Variants in POMP observed in about 807,000 individuals in gnomAD.
The protein encoded by POMP is 2510048O06Rik.
A neutral mutation model predicts 20.6 loss-of-function variants in POMP; 12 were observed. The ratio of observed to expected loss-of-function variants is 0.58; its 90% confidence interval spans 0.37 to 0.94. The LOEUF is 0.94. POMP is among the 40% of genes least tolerant of loss of function. POMP has a pLI of 0.01. For missense variants in POMP, 136 were observed against 161.1 expected (o/e 0.84, Z 0.84); for synonymous variants, 53 against 55.0 (o/e 0.96, Z 0.16).
intron 5 of POMP, among the ~76,000 whole-genome samples, chr13:28,675,819 A>AG (rs1478419096): frequency 6.6e-6 from 1 of 152,102 alleles, no homozygotes; most frequent in African/African-American, 2.4e-5. Context: ...CAGAAGACAA[A>AG]GGGGGGCCAG....
intron 5 of POMP, among the ~76,000 whole-genome samples, chr13:28,676,180 A>G (rs1409190153): frequency 6.6e-6 from 1 of 151,726 alleles, no homozygotes; most frequent in African/African-American, 2.4e-5. Flanking sequence ...AATTTTTTGT[A>G]TTTTTACTAG....
At chr13:28,663,875 A>T (rs1303926128) in intron 2 of POMP, among the ~76,000 whole-genome samples, 2 of 152,170 alleles carry the variant, frequency 1.3e-5, no homozygotes, top group Non-Finnish European at 2.9e-5. Context: ...CTTCCTGGAT[A>T]ATGTTTTGTA....
chr13:28,659,715 G>GC, intron 1 of POMP: 1 of 156,770 alleles, frequency 6.4e-6, no homozygotes, highest in Admixed American at 6.4e-5. Flanking sequence ...CTAGATGTTA[G>GC]AGGGGAAAAA....
chr13:28,677,171 G>A (rs73160094), intron 5 of POMP, among the ~76,000 whole-genome samples: 3,267 of 151,256 alleles, frequency 0.022, 54 homozygotes, highest in Middle Eastern at 0.076. Flanking sequence ...ACTGTTCTGC[G>A]TGTCTTTCTA....
intron 5 of POMP, among the ~76,000 whole-genome samples, chr13:28,676,046 C>G (rs1465915190): frequency 6.6e-6 from 1 of 152,088 alleles, no homozygotes; most frequent in Non-Finnish European, 1.5e-5. Context: ...TCTCTGTCAC[C>G]CAGGCTGGAG....
chr13:28,660,782 G>T (rs1002491011), intron 1 of POMP, among the ~76,000 whole-genome samples: 2 of 152,198 alleles, frequency 1.3e-5, no homozygotes, highest in Non-Finnish European at 2.9e-5. Flanking sequence ...AGGCTAAGGA[G>T]TCTGAACTTT....
At chr13:28,663,561 T>C (rs1792098) in intron 2 of POMP, among the ~76,000 whole-genome samples, 6,753 of 152,242 alleles carry the variant, frequency 0.044, 502 homozygotes, top group African/African-American at 0.15. Flanking sequence ...CCGTACACCT[T>C]GGCCTCCCAG....
chr13:28,676,762 A>G (rs1328106385), intron 5 of POMP, among the ~76,000 whole-genome samples: 1 of 152,202 alleles, frequency 6.6e-6, no homozygotes, highest in Non-Finnish European at 1.5e-5. Context: ...TAGTAGAATC[A>G]AAAATAGACT....
intron 2 of POMP, among the ~76,000 whole-genome samples, chr13:28,663,762 G>C (rs75218575): frequency 0.04 from 6,150 of 152,246 alleles, 406 homozygotes; most frequent in African/African-American, 0.14. Context: ...TAATCAAGTT[G>C]ATTGGCTAGG....
At chr13:28,663,845 A>G (rs1357757266) in intron 2 of POMP, among the ~76,000 whole-genome samples, 1 of 152,220 alleles carries the variant, frequency 6.6e-6, no homozygotes, top group African/African-American at 2.4e-5. Flanking sequence ...GGACTGGGGC[A>G]GGACCATTTT....
At chr13:28,675,034 A>C (rs1006302483) in intron 5 of POMP, among the ~76,000 whole-genome samples, 1 of 152,272 alleles carries the variant, frequency 6.6e-6, no homozygotes, top group African/African-American at 2.4e-5. Context: ...GTGAAACCCT[A>C]TCTCAAAAAA....
chr13:28,663,519 A>T (rs971795619), intron 2 of POMP, among the ~76,000 whole-genome samples: 3 of 152,138 alleles, frequency 2.0e-5, no homozygotes, highest in Non-Finnish European at 4.4e-5. Flanking sequence ...TGTGTTGGTC[A>T]GGCTGGCCTT....
At chr13:28,676,455 C>G (rs1304723304) in intron 5 of POMP, among the ~76,000 whole-genome samples, 1 of 151,992 alleles carries the variant, frequency 6.6e-6, no homozygotes, top group African/African-American at 2.4e-5. Context: ...ATTATTTGTC[C>G]AACTTAAATA....
chr13:28,675,457 C>T (rs80220316), intron 5 of POMP, among the ~76,000 whole-genome samples: 6,781 of 152,202 alleles, frequency 0.045, 506 homozygotes, highest in African/African-American at 0.15. Context: ...GATTTTTATC[C>T]ACCTGGTAGA....
intron 2 of POMP, among the ~76,000 whole-genome samples, chr13:28,663,323 T>C (rs1754951): frequency 0.044 from 6,771 of 152,286 alleles, 508 homozygotes; most frequent in African/African-American, 0.15. Flanking sequence ...ATTTATTTAT[T>C]TTTTGAGATG....
Position 28,668,553 on chromosome 13 carries a change from G to A in POMP, c.243G>A (p.Met81Ile). Residue 81 changes from methionine (M) to isoleucine (I), a missense_variant, in exon 4 of 6, where the codon ATG becomes ATA. Met to Ile is a conservative substitution (Grantham distance 10). Transcript: ENST00000380842. ...QGLFAPLKLQ[M>I]EFKAVQQVQR... ...TATTTGCTCCGCTAAAATTACAGATGGAATTCAAGGCAGTGCAGCAGGTGA... is the reference window on the plus strand; with the variant it reads ...TATTTGCTCCGCTAAAATTACAGATAGAATTCAAGGCAGTGCAGCAGGTGA... 1 of 1,609,216 alleles carries A rather than the reference G, an allele frequency of 6.2e-7. No individual in the cohort carries two copies. The highest frequency in any genetic ancestry group is 8.5e-7 in the Non-Finnish European group (1 of 1,175,606).
At chr13:28,676,039 CTG>C (rs936599028) in intron 5 of POMP, among the ~76,000 whole-genome samples, 1 of 152,142 alleles carries the variant, frequency 6.6e-6, no homozygotes, top group Non-Finnish European at 1.5e-5. Context: ...TTTTCTCTCT[CTG>C]TCACCCAGGC....
chr13:28,678,805 A>G lies in POMP; in HGVS notation c.*703A>G, dbSNP rs1052207848. The G allele has an allele frequency of 6.6e-6, 1 of 152,302 alleles. No individual in the cohort carries two copies. The highest frequency in any genetic ancestry group is 2.4e-5 in the African/African-American group (1 of 41,482). The allele number at this position is 152,302 out of a possible 1,614,324, so 9.4% of individuals were successfully genotyped here. A position where few individuals can be genotyped will look rare whatever the true frequency, so the allele number is the denominator to read the frequency against. ...TTTTCTTGTTCTTAATTTATATATT[A>G]CAAGATACTGTAAGGTATTCTTTAT... is the stretch of plus-strand genomic sequence containing the variant. On this transcript the variant is annotated 3_prime_UTR_variant, in exon 6 of 6. Coordinates refer to ENST00000380842, the MANE Select transcript of POMP (RefSeq NM_015932.6).
chr13:28,668,153 C>T (rs1348192311), intron 3 of POMP, among the ~76,000 whole-genome samples: 1 of 152,040 alleles, frequency 6.6e-6, no homozygotes, highest in Non-Finnish European at 1.5e-5. Context: ...GCTAGTTTTG[C>T]AGTACTTTTA....
Sources: gnomAD v4.1 joint callset for allele counts (sites outside exome capture counted in the v4.1 genomes callset) on GRCh38, gnomAD v4.1.1 for gene constraint, MANE v1.5 for transcripts, NCBI Gene and HGNC (gene_info 2026-07-23, HGNC 2026-07-21) for gene names.